Variants in RTF2 observed in about 807,000 individuals in gnomAD.
The protein encoded by RTF2 is replication termination factor 2.
Under a neutral mutation model 38.0 loss-of-function variants are expected in RTF2, and 18 were observed. The observed-to-expected ratio is 0.47, with a 90% CI of 0.33 to 0.70. The LOEUF is 0.70. Ranked by LOEUF, RTF2 falls within the 30% of genes least tolerant of loss-of-function variation. RTF2 has a pLI of 0.02. For missense variants in RTF2, 311 were observed against 379.6 expected (o/e 0.82, Z 1.50); for synonymous variants, 126 against 137.1 (o/e 0.92, Z 0.57).
chr20:56,473,087 C>T (rs1025406109), intron 1 of RTF2, among the ~76,000 whole-genome samples: 14 of 152,042 alleles, frequency 9.2e-5, no homozygotes, highest in Non-Finnish European at 1.6e-4. Flanking sequence ...GTGAAGATTG[C>T]GCCACTACAC....
intron 4 of RTF2, among the ~76,000 whole-genome samples, chr20:56,479,598 A>T (rs536784786): frequency 5.4e-4 from 82 of 152,176 alleles, no homozygotes; most frequent in Non-Finnish European, 4.1e-4. Flanking sequence ...CTTTGCCCAG[A>T]TCCATCAGAG....
At chr20:56,506,200 G>A (rs6024914) in intron 5 of RTF2, among the ~76,000 whole-genome samples, 125,899 of 152,190 alleles carry the variant, frequency 0.83, 52,285 homozygotes, top group East Asian at 0.99. Flanking sequence ...GGCTCCTCCC[G>A]CCATGGAACA....
At chr20:56,484,382 G>T (rs967172730) in intron 5 of RTF2, among the ~76,000 whole-genome samples, 193 bp downstream of exon 5, 1 of 152,186 alleles carries the variant, frequency 6.6e-6, no homozygotes, top group Admixed American at 6.5e-5. Flanking sequence ...GCCAGTCCAG[G>T]TCAGACCACA....
chr20:56,493,160 G>A (rs1983281369), intron 5 of RTF2, among the ~76,000 whole-genome samples: 1 of 152,034 alleles, frequency 6.6e-6, no homozygotes, highest in Non-Finnish European at 1.5e-5. Flanking sequence ...TGGTGACAAA[G>A]CAAGACTCCA....
intron 5 of RTF2, among the ~76,000 whole-genome samples, chr20:56,507,463 GAGAA>G (rs1290361208): frequency 6.6e-6 from 1 of 152,152 alleles, no homozygotes; most frequent in African/African-American, 2.4e-5. Flanking sequence ...GAATTTTCGA[GAGAA>G]AGAGCAAGAT....
At chr20:56,498,792 T>A (rs901262848) in intron 5 of RTF2, among the ~76,000 whole-genome samples, 1 of 152,212 alleles carries the variant, frequency 6.6e-6, no homozygotes, top group African/African-American at 2.4e-5. Context: ...TTGGTTTCCA[T>A]TAAAAGTTGC....
At chr20:56,515,407 A>G (rs1984960063) in intron 6 of RTF2, among the ~76,000 whole-genome samples, 1 of 152,016 alleles carries the variant, frequency 6.6e-6, no homozygotes, top group African/African-American at 2.4e-5. Flanking sequence ...CCCCATCTCT[A>G]CTAAAAATAC....
At chr20:56,471,396 G>C (rs1981955426) in intron 1 of RTF2, among the ~76,000 whole-genome samples, 1 of 152,026 alleles carries the variant, frequency 6.6e-6, no homozygotes, top group Non-Finnish European at 1.5e-5. Flanking sequence ...GTGAAACCCT[G>C]TCTCCACTAA....
Position 56,497,648 on chromosome 20 carries a change from G to A in RTF2, c.477+13459G>A, listed in dbSNP as rs548622635. 5 of 1,223,788 alleles carry A rather than the reference G, an allele frequency of 4.1e-6. No individual in the cohort carries two copies. In the Admixed American group the frequency reaches 1.1e-4, roughly 26 times the overall value. 75.8% of individuals were successfully genotyped at this position (1,223,788 alleles called of 1,614,324 possible). A position where few individuals can be genotyped will look rare whatever the true frequency, so the allele number is the denominator to read the frequency against. ...GTGCATTCTTATTACCATAATTTAA[G>A]TATTTTTTCCTTTAAGCTTCCTAAA... On this transcript the variant is annotated intron_variant, in intron 5 of 8. Coordinates refer to ENST00000357348, the MANE Select transcript of RTF2 (RefSeq NM_016407.5).
rs942323893 is a variant in RTF2, at chr20:56,496,709, G to A, written c.477+12520G>A. The A allele has an allele frequency of 1.4e-5, 21 of 1,551,522 alleles. No homozygotes were observed. The Admixed American group carries it at 3.5e-4, about 26-fold the overall frequency. Reference sequence around the variant, plus strand: ...GGATGTCTTTGGACCACTGAAGCATGTCTTTTGCATGGATGTCAGTCAGTA... The same window carrying A: ...GGATGTCTTTGGACCACTGAAGCATATCTTTTGCATGGATGTCAGTCAGTA... On this transcript the variant is annotated intron_variant, in intron 5 of 8. Transcript: ENST00000357348.
At chr20:56,491,834 T>C in intron 5 of RTF2, 1 of 1,383,580 alleles carries the variant, frequency 7.2e-7, no homozygotes, top group East Asian at 2.5e-5. Context: ...TCACCCATTT[T>C]ATTCACACAC....
chr20:56,486,951 C>T (rs1330248897), intron 5 of RTF2, among the ~76,000 whole-genome samples: 1 of 151,992 alleles, frequency 6.6e-6, no homozygotes, highest in Non-Finnish European at 1.5e-5. Flanking sequence ...GGAGAGAGGC[C>T]GAGGTGTGAG....
intron 4 of RTF2, among the ~76,000 whole-genome samples, chr20:56,481,394 G>A (rs956581011): frequency 6.6e-6 from 1 of 152,194 alleles, no homozygotes; most frequent in Non-Finnish European, 1.5e-5. Context: ...ATGGAACAAC[G>A]AGGGGCTTCA....
chr20:56,496,617 C>T lies in RTF2; in HGVS notation c.477+12428C>T, dbSNP rs191428126. 1.6e-4 allele frequency: 232 copies of T among 1,469,056 alleles called. No homozygotes were observed. In the African/African-American group the frequency reaches 2.6e-3, roughly 16 times the overall value. The allele number at this position is 1,469,056 out of a possible 1,614,324, so 91.0% of individuals were successfully genotyped here. A position where few individuals can be genotyped will look rare whatever the true frequency, so the allele number is the denominator to read the frequency against. On this transcript the variant is annotated intron_variant, in intron 5 of 8. Coordinates refer to ENST00000357348, the MANE Select transcript of RTF2 (RefSeq NM_016407.5). ...TGTTGCTGCTGACTGCACAGGCATCCATATCGGTGGGTCTTTCTTACCTTT... is the reference window on the plus strand; with the variant it reads ...TGTTGCTGCTGACTGCACAGGCATCTATATCGGTGGGTCTTTCTTACCTTT...
intron 5 of RTF2, among the ~76,000 whole-genome samples, chr20:56,500,213 C>T (rs927715709): frequency 1.3e-5 from 2 of 152,026 alleles, no homozygotes; most frequent in Non-Finnish European, 2.9e-5. Context: ...CACCACCACA[C>T]TCAGCTAATT....
chr20:56,485,625 G>A (rs1183945747), intron 5 of RTF2, among the ~76,000 whole-genome samples: 1 of 152,176 alleles, frequency 6.6e-6, no homozygotes, highest in African/African-American at 2.4e-5. Context: ...TGTCCAGTTT[G>A]GGGTGACTAT....
At chr20:56,493,433 G>A (rs1167462807) in intron 5 of RTF2, among the ~76,000 whole-genome samples, 3 of 152,110 alleles carry the variant, frequency 2.0e-5, no homozygotes, top group Non-Finnish European at 4.4e-5. Flanking sequence ...CAAAGTGGTA[G>A]GATCACTTCA....
chr20:56,479,130 T>C (rs530324868), intron 4 of RTF2, among the ~76,000 whole-genome samples: 1 of 152,340 alleles, frequency 6.6e-6, no homozygotes, highest in South Asian at 2.1e-4. Flanking sequence ...CCCCTCCAAG[T>C]CGTCCATGAG....
At chr20:56,480,203 AACTTAATGCAGCTTCTCCATCAGC>A in intron 4 of RTF2, among the ~76,000 whole-genome samples, 1 of 152,270 alleles carries the variant, frequency 6.6e-6, no homozygotes, top group African/African-American at 2.4e-5. Flanking sequence ...TTTTCTGGAG[AACTTAATGCAGCTTCTCCATCAGC>A]ACTTGCTGCT....
Sources: gnomAD v4.1 joint callset for allele counts (sites outside exome capture counted in the v4.1 genomes callset) on GRCh38, gnomAD v4.1.1 for gene constraint, MANE v1.5 for transcripts, NCBI Gene and HGNC (gene_info 2026-07-23, HGNC 2026-07-21) for gene names.